Variants in MAP3K1 observed in about 807,000 individuals in gnomAD.
MAP3K1 encodes MAP/ERK kinase kinase 1.
In MAP3K1, 36 loss-of-function variants were observed where a neutral mutation model predicts 144.2. That is an observed-to-expected ratio of 0.25 (90% CI 0.19 to 0.33). The LOEUF (loss-of-function observed/expected upper bound fraction) is 0.33, where lower values mean the gene tolerates loss of function less well. Ranked by LOEUF, MAP3K1 falls within the 10% of genes least tolerant of loss-of-function variation. The pLI, the probability that MAP3K1 is intolerant of heterozygous loss-of-function variation, is 1.00. For missense variants in MAP3K1, 1,650 were observed against 1,881.9 expected, an observed-to-expected ratio of 0.88 and a Z score of 2.28; for synonymous variants, 718 against 688.7, an observed-to-expected ratio of 1.04 and a Z score of -0.67.
chr5:56,870,831 T>C (rs371416071), intron 6 of MAP3K1, among the ~76,000 whole-genome samples: 1 of 152,190 alleles, frequency 6.6e-6, no homozygotes, highest in South Asian at 2.1e-4. Flanking sequence ...ACTTAAAATA[T>C]GTAGCGATAA....
intron 1 of MAP3K1, chr5:56,817,119 A>G: frequency 1.0e-6 from 1 of 985,220 alleles, no homozygotes; most frequent in African/African-American, 1.7e-5. Context: ...TGTGTAAGGT[A>G]ATTTAGACCA....
chr5:56,882,628 G>A lies in MAP3K1; in HGVS notation c.3428G>A (p.Ser1143Asn), dbSNP rs765922382. 6 of 1,614,126 alleles carry A rather than the reference G, an allele frequency of 3.7e-6. No individual in the cohort carries two copies. In the South Asian group the frequency reaches 6.6e-5, roughly 18 times the overall value. The change falls in exon 14 of 20, where the codon AGT (serine) becomes AAT (asparagine). Residue 1143 changes from serine (S) to asparagine (N), a missense_variant. Physicochemically the swap from Ser to Asn is conservative, Grantham distance 46. Coordinates refer to ENST00000399503, the MANE Select transcript of MAP3K1 (RefSeq NM_005921.2). ...CTTCTTGAAGCATCTATGCCTTCAA[G>A]TGATACAACAGTAACTTTTAAGTCA... is the stretch of plus-strand genomic sequence containing the variant. ...EDLLEASMPS[S>N]DTTVTFKSEV...
chr5:56,860,018 A>G, intron 3 of MAP3K1, 103 bp downstream of exon 3: 3 of 1,060,036 alleles, frequency 2.8e-6, no homozygotes, highest in Non-Finnish European at 4.3e-6. Flanking sequence ...CAGTTTTCAA[A>G]ATATGATCTG....
rs576080629 is a variant in MAP3K1 at position 56,816,031 on chromosome 5, C to G, written c.458C>G (p.Pro153Arg). The G allele has an allele frequency of 4.9e-6, 6 of 1,221,936 alleles. No homozygotes were observed. The highest frequency in any genetic ancestry group is 8.1e-5 in the South Asian group (2 of 24,774). 75.7% of individuals were successfully genotyped at this position (1,221,936 alleles called of 1,614,324 possible). ...GAGAAGCGGGCGCCCGCCGCCGAGC[C>G]GTCTCCTGCAGCGGCCCCCGCCGGG... ...PGEKRAPAAE[P>R]SPAAAPAGRE... Residue 153 changes from proline (P) to arginine (R), a missense_variant, in exon 1 of 20, where the codon CCG (proline) becomes CGG (arginine). Pro to Arg is a moderately radical substitution (Grantham distance 103, BLOSUM62 -2). Transcript: ENST00000399503.
intron 16 of MAP3K1, among the ~76,000 whole-genome samples, chr5:56,885,223 T>TA (rs1393597185): frequency 6.6e-6 from 1 of 152,220 alleles, no homozygotes; most frequent in Non-Finnish European, 1.5e-5. Flanking sequence ...CACTGAAGCA[T>TA]AAAGTTGAAC....
chr5:56,825,260 G>A (rs1053349318), intron 1 of MAP3K1, among the ~76,000 whole-genome samples: 6 of 152,110 alleles, frequency 3.9e-5, no homozygotes, highest in Admixed American at 2.6e-4. Context: ...TAATCCACCC[G>A]CCTCAGCTTC....
chr5:56,849,964 A>G (rs912235478), intron 1 of MAP3K1, among the ~76,000 whole-genome samples: 3 of 152,276 alleles, frequency 2.0e-5, no homozygotes, highest in Non-Finnish European at 4.4e-5. Flanking sequence ...TCTCATCTGT[A>G]AAATGGAGTA....
At chr5:56,842,853 C>T (rs527417958) in intron 1 of MAP3K1, among the ~76,000 whole-genome samples, 9 of 152,206 alleles carry the variant, frequency 5.9e-5, no homozygotes, top group African/African-American at 2.2e-4. Context: ...AATTGAGGCA[C>T]AAAGAAGCAC....
At chr5:56,860,002 GA>G in intron 3 of MAP3K1, 87 bp downstream of exon 3, 2 of 1,194,306 alleles carry the variant, frequency 1.7e-6, no homozygotes, top group Non-Finnish European at 2.4e-6. Flanking sequence ...CCATCTGTTA[GA>G]ACATCAGTTT....
intron 1 of MAP3K1, chr5:56,842,188 A>G (rs771444567): frequency 2.0e-5 from 3 of 152,194 alleles, no homozygotes; most frequent in Non-Finnish European, 2.9e-5. Context: ...CATATTCTAG[A>G]TGTTGCTAGT....
At chr5:56,816,405 G>A (rs903386988) in intron 1 of MAP3K1, among the ~76,000 whole-genome samples, 10 of 151,954 alleles carry the variant, frequency 6.6e-5, no homozygotes, top group African/African-American at 2.4e-4. Flanking sequence ...CGGGGGCGGG[G>A]CACGGCCCTG....
At chr5:56,880,649 C>T (rs1748176274) in intron 11 of MAP3K1, 62 bp from the exon 12 acceptor site, 1 of 1,101,762 alleles carries the variant, frequency 9.1e-7, no homozygotes. Context: ...CATTACTCCT[C>T]TAATATTGTA....
chr5:56,836,158 T>C (rs910503715), intron 1 of MAP3K1, among the ~76,000 whole-genome samples: 7 of 152,226 alleles, frequency 4.6e-5, no homozygotes, highest in African/African-American at 1.7e-4. Flanking sequence ...ATGTGAGCAG[T>C]TCCTGTAAAG....
chr5:56,882,247 C>G lies in MAP3K1; in HGVS notation c.3047C>G (p.Ser1016Cys), dbSNP rs766857345. The G allele has an allele frequency of 5.0e-6, 8 of 1,614,048 alleles. No homozygotes were observed. Among genetic ancestry groups the G allele is most frequent in the Non-Finnish European group, 5.9e-6 (7 of 1,180,026 alleles). The change falls in exon 14 of 20, where the codon TCT becomes TGT. Residue 1016 changes from serine to cysteine, a missense_variant. Around this residue, in one of 6 missense-constraint regions of MAP3K1, gnomAD observed 841 missense variants for 886.5 expected, o/e 0.95. Transcript: ENST00000399503. ...LQGFIPCRIP[S>C]ASPQTQRKFS... ...GGATTCATTCCCTGCAGAATACCTT[C>G]TGCATCTCCTCAAACACAGCGCAAG...
At chr5:56,816,344 G>A (rs1409062229) in intron 1 of MAP3K1, among the ~76,000 whole-genome samples, 5 of 152,170 alleles carry the variant, frequency 3.3e-5, no homozygotes, top group Admixed American at 6.5e-5. Context: ...AGGTGTAGGG[G>A]GCCACGGCTG....
chr5:56,882,865 A>T lies in MAP3K1; in HGVS notation c.3665A>T (p.Asp1222Val). The change falls in exon 14 of 20, where the codon GAT becomes GTT. Residue 1222 changes from aspartate (D) to valine (V), a missense_variant and splice_region_variant. Asp to Val is a radical substitution (Grantham distance 152). Coordinates refer to ENST00000399503, the MANE Select transcript of MAP3K1 (RefSeq NM_005921.2). ...GAAGATATCATCATTATTCAACAGG[A>T]TGTAAGTATAGATTCTTTAAGAGGT... is the stretch of plus-strand genomic sequence containing the variant. ...NGEDIIIIQQ[D>V]TPETLPGHTK... The T allele has an allele frequency of 1.2e-6, 2 of 1,605,806 alleles. No homozygotes were observed. Among genetic ancestry groups the T allele is most frequent in the East Asian group, 4.5e-5 (2 of 44,848 alleles).
intron 1 of MAP3K1, among the ~76,000 whole-genome samples, chr5:56,831,953 G>A (rs1746506716): frequency 6.6e-6 from 1 of 152,196 alleles, no homozygotes; most frequent in African/African-American, 2.4e-5. Context: ...ATTGCCAGGT[G>A]TCTTTAGTGG....
Position 56,815,779 on chromosome 5 carries a change from A to C in MAP3K1, c.206A>C (p.Glu69Ala), listed in dbSNP as rs1219038286. The change falls in exon 1 of 20, where the codon GAG (glutamate) becomes GCG (alanine). Residue 69 changes from glutamate (E) to alanine (A), a missense_variant. By Grantham distance (107) the Glu-to-Ala change is moderately radical. Transcript: ENST00000399503. Reference sequence around the variant, plus strand: ...CAGCTGCGCAAAGTGCGGAGTGTGGAGCTGGACCAGCTGCCTGAGCAGCCG... The same window carrying C: ...CAGCTGCGCAAAGTGCGGAGTGTGGCGCTGGACCAGCTGCCTGAGCAGCCG... ...RRQLRKVRSV[E>A]LDQLPEQPLF... 1 of 1,418,794 alleles carries C rather than the reference A, an allele frequency of 7.0e-7. No individual in the cohort carries two copies. Among genetic ancestry groups the C allele is most frequent in the Non-Finnish European group, 9.2e-7 (1 of 1,083,212 alleles). 87.9% of individuals were successfully genotyped at this position (1,418,794 alleles called of 1,614,324 possible).
chr5:56,866,972 C>G (rs551825396), intron 6 of MAP3K1, among the ~76,000 whole-genome samples: 48 of 152,106 alleles, frequency 3.2e-4, no homozygotes, highest in Non-Finnish European at 6.8e-4. Context: ...AAGGTATAGC[C>G]AGAACCTGGG....
Sources: gnomAD v4.1 joint callset for allele counts (sites outside exome capture counted in the v4.1 genomes callset) on GRCh38, gnomAD v4.1.1 for gene constraint, gnomAD v4.1.1 regional missense constraint, MANE v1.5 for transcripts, NCBI Gene and HGNC (gene_info 2026-07-23, HGNC 2026-07-21) for gene names.